Variants in PHTF2 observed in about 807,000 individuals in gnomAD.
PHTF2 encodes protein PHTF2.
In PHTF2, 60 loss-of-function variants were observed where a neutral mutation model predicts 101.2. That is an observed-to-expected ratio of 0.59 (90% CI 0.48 to 0.73). The LOEUF is 0.73. Ranked by LOEUF, PHTF2 falls within the 30% of genes least tolerant of loss-of-function variation. PHTF2 has a pLI of 0.00. For synonymous variants in PHTF2, 311 were observed against 307.3 expected, an observed-to-expected ratio of 1.01 and a Z score of -0.13; for missense variants, 747 against 908.7, an observed-to-expected ratio of 0.82 and a Z score of 2.29.
intron 1 of PHTF2, among the ~76,000 whole-genome samples, chr7:77,834,863 A>G (rs534812741): frequency 6.6e-6 from 1 of 152,346 alleles, no homozygotes; most frequent in East Asian, 1.9e-4. Context: ...GAGTGTTTAC[A>G]TATGACCAAG....
At chr7:77,893,228 G>GT (rs1302442737) in intron 3 of PHTF2, among the ~76,000 whole-genome samples, 25 of 151,536 alleles carry the variant, frequency 1.6e-4, no homozygotes, top group African/African-American at 5.1e-4. Flanking sequence ...ATAGTTTTTT[G>GT]TTTTTTTTCT....
intron 12 of PHTF2, 127 bp downstream of exon 11, chr7:77,929,454 A>G (rs925701886): frequency 1.7e-6 from 1 of 594,240 alleles, no homozygotes; most frequent in South Asian, 2.3e-5. Context: ...TTTTCTTTTT[A>G]TGTGAGCTGT....
At chr7:77,886,695 C>T (rs552752005) in intron 3 of PHTF2, among the ~76,000 whole-genome samples, 5 of 152,168 alleles carry the variant, frequency 3.3e-5, no homozygotes, top group South Asian at 4.2e-4. Context: ...GACCTGGGTT[C>T]GAATCCTGGT....
chr7:77,840,741 A>G (rs1795803391), intron 2 of PHTF2, among the ~76,000 whole-genome samples: 2 of 151,974 alleles, frequency 1.3e-5, no homozygotes, highest in Non-Finnish European at 2.9e-5. Flanking sequence ...TAAAGTGTTT[A>G]TTTTGATGTT....
At chr7:77,906,281 C>T (rs13245552) in intron 7 of PHTF2, 14,986 of 152,246 alleles carry the variant, frequency 0.098, 823 homozygotes, top group Middle Eastern at 0.12. Context: ...CTACCACGCC[C>T]GGCTCTCCAT....
intron 5 of PHTF2, among the ~76,000 whole-genome samples, chr7:77,896,588 T>C (rs547331794): frequency 3.2e-4 from 48 of 152,206 alleles, no homozygotes; most frequent in African/African-American, 6.7e-4. Context: ...AATAAACTTA[T>C]CATCCTCCCT....
chr7:77,954,899 G>T (rs1187237483), exon 20 of PHTF2: 1 of 1,397,520 alleles, frequency 7.2e-7, no homozygotes, highest in Non-Finnish European at 1.0e-6. Context: ...AAAAGAAGAT[G>T]TAGCCTCTTT....
At chr7:77,932,617 AGAGAGTGTGTGT>A (rs368758333) in intron 12 of PHTF2, among the ~76,000 whole-genome samples, 4,534 of 124,714 alleles carry the variant, frequency 0.036, 128 homozygotes, top group African/African-American at 0.1. Context: ...AGAGAGAGAG[AGAGAGTGTGTGT>A]GTGTGTGTGT....
chr7:77,926,600 CTT>C (rs1804023574), intron 11 of PHTF2, among the ~76,000 whole-genome samples: 1 of 151,864 alleles, frequency 6.6e-6, no homozygotes, highest in Admixed American at 6.6e-5. Flanking sequence ...AAAAATCTGT[CTT>C]TTGTGGACTC....
rs188428621 is a variant in PHTF2, at chr7:77,830,859, G to A, written c.-35-9362G>A. Among the ~76,000 whole-genome samples, 257 of 152,148 alleles carry A rather than the reference G, an allele frequency of 1.7e-3. 1 individual carries two copies. Among genetic ancestry groups the A allele is most frequent in the African/African-American group, 2.5e-3 (103 of 41,488 alleles). On this transcript the variant is annotated intron_variant, in intron 1 of 19. Coordinates refer to ENST00000416283, the Ensembl canonical transcript of PHTF2. ...GCCCATTATTTTACTTACCTTATCC[G>A]TCCACATTTCTTTGTCACACTGGGC...
intron 5 of PHTF2, among the ~76,000 whole-genome samples, chr7:77,894,254 A>T (rs1800697583): frequency 6.6e-6 from 1 of 152,164 alleles, no homozygotes; most frequent in Non-Finnish European, 1.5e-5. Context: ...TAGCATGAAA[A>T]CTGTTTTTCA....
At chr7:77,873,766 C>G (rs556870362) in intron 3 of PHTF2, among the ~76,000 whole-genome samples, 1 of 152,216 alleles carries the variant, frequency 6.6e-6, no homozygotes, top group African/African-American at 2.4e-5. Context: ...TCCTCCCACA[C>G]GTCTCCATTC....
intron 5 of PHTF2, among the ~76,000 whole-genome samples, chr7:77,897,199 T>A (rs1800946271): frequency 6.6e-6 from 1 of 151,732 alleles, no homozygotes; most frequent in African/African-American, 2.4e-5. Flanking sequence ...AAAATGAAAC[T>A]GTTTATGTAC....
chr7:77,856,457 A>G (rs1015315321), intron 3 of PHTF2, among the ~76,000 whole-genome samples: 2 of 151,970 alleles, frequency 1.3e-5, no homozygotes, highest in African/African-American at 4.8e-5. Context: ...CTGGACTCAA[A>G]TGATCCTCCC....
At position 77,893,373 on chromosome 7, in the gene PHTF2, G is replaced by C. The variant is rs533919631; in HGVS notation, c.148-235G>C. ...GTATTTCTGATTCTGTAACTCTGGA[G>C]TGGGGCCTGAGAGTTTGCATTTCTA... On this transcript the variant is annotated intron_variant, in intron 3 of 19. Coordinates refer to ENST00000416283, the Ensembl canonical transcript of PHTF2. 2.0e-5 allele frequency among the ~76,000 whole-genome samples: 3 copies of C among 152,288 alleles called. No homozygotes were observed. The East Asian group carries it at 5.8e-4, about 29-fold the overall frequency.
At chr7:77,811,698 C>T (rs1223418500) in intron 1 of PHTF2, among the ~76,000 whole-genome samples, 1 of 152,100 alleles carries the variant, frequency 6.6e-6, no homozygotes, top group Non-Finnish European at 1.5e-5. Flanking sequence ...ACAAGATATT[C>T]CATAATCATC....
Position 77,934,033 on chromosome 7 carries a change from A to G in PHTF2, c.1339-3677A>G, listed in dbSNP as rs1345104625. ...GATCTTAAACAGATTTTTAATTCTC[A>G]GGTTTCAAAAAATAAGCTCATGCTT... On this transcript the variant is annotated intron_variant, in intron 12 of 19. Transcript: ENST00000416283. Among the ~76,000 whole-genome samples, 3 of 152,182 alleles carry G rather than the reference A, an allele frequency of 2.0e-5. No homozygotes were observed. The East Asian group carries it at 5.8e-4, about 29-fold the overall frequency.
At chr7:77,941,466 A>G in intron 15 of PHTF2, among the ~76,000 whole-genome samples, 1 of 152,154 alleles carries the variant, frequency 6.6e-6, no homozygotes, top group East Asian at 1.9e-4. Flanking sequence ...CAGGTGTTAC[A>G]TTCTTTTGTA....
chr7:77,929,286 C>A, exon 12 of PHTF2: 1 of 1,610,876 alleles, frequency 6.2e-7, no homozygotes, highest in Non-Finnish European at 8.5e-7. Flanking sequence ...TCAGATTAAT[C>A]CATGTGTGAA....
Sources: allele counts gnomAD v4.1 joint callset (sites outside exome capture counted in the v4.1 genomes callset), GRCh38; gene constraint gnomAD v4.1.1; transcripts MANE v1.5; gene names NCBI Gene and HGNC (gene_info 2026-07-23, HGNC 2026-07-21).